Variants in MSR1 observed in about 807,000 individuals in gnomAD.
The protein encoded by MSR1 is macrophage scavenger receptor types I and II.
MSR1 carries 53 observed loss-of-function variants against 47.2 expected under a neutral mutation model. The observed-to-expected ratio is 1.12, with a 90% CI of 0.90 to 1.41. The LOEUF (loss-of-function observed/expected upper bound fraction) is 1.41. Ranked by LOEUF, MSR1 falls within the 40% of genes most tolerant of loss-of-function variation. MSR1 has a pLI of 0.00. For synonymous variants in MSR1, 239 were observed against 185.6 expected, an observed-to-expected ratio of 1.29 and a Z score of -2.34; for missense variants, 786 against 546.9, an observed-to-expected ratio of 1.44 and a Z score of -4.36.
chr8:16,169,281 A>G (rs1188380461), intron 3 of MSR1, among the ~76,000 whole-genome samples: 1 of 152,232 alleles, frequency 6.6e-6, no homozygotes, highest in Non-Finnish European at 1.5e-5. Flanking sequence ...ATATGTTAAC[A>G]ATGGCAGTGA....
intron 8 of MSR1, among the ~76,000 whole-genome samples, chr8:16,130,555 A>G (rs1800232172): frequency 6.6e-6 from 1 of 152,022 alleles, no homozygotes; most frequent in South Asian, 2.1e-4. Flanking sequence ...TGTCGTGGCA[A>G]TTTGGTGGAC....
intron 8 of MSR1, chr8:16,140,577 A>G: frequency 9.4e-7 from 1 of 1,062,672 alleles, no homozygotes; most frequent in African/African-American, 1.7e-5. Flanking sequence ...GTATGGTAGG[A>G]ATCGCTTTGC....
chr8:16,173,355 G>C (rs2117196389), intron 3 of MSR1, among the ~76,000 whole-genome samples: 1 of 152,272 alleles, frequency 6.6e-6, no homozygotes, highest in Non-Finnish European at 1.5e-5. Context: ...TTTGCATAAA[G>C]GTGATGAAAT....
intron 1 of MSR1, among the ~76,000 whole-genome samples, chr8:16,179,818 A>G (rs1201905669): frequency 7.1e-6 from 1 of 140,562 alleles, no homozygotes; most frequent in Non-Finnish European, 1.5e-5. Flanking sequence ...CAGAACTTGC[A>G]GTGAGCCGAC....
intron 3 of MSR1, among the ~76,000 whole-genome samples, chr8:16,169,984 A>G (rs1801433860): frequency 1.3e-5 from 2 of 152,300 alleles, no homozygotes; most frequent in African/African-American, 4.8e-5. Flanking sequence ...CAATCTAATT[A>G]TCATTCTGAA....
intron 4 of MSR1, among the ~76,000 whole-genome samples, chr8:16,165,884 T>C (rs1232042012): frequency 6.6e-6 from 1 of 152,156 alleles, no homozygotes; most frequent in Non-Finnish European, 1.5e-5. Flanking sequence ...TTAGAATTTC[T>C]CTATCTTGCA....
chr8:16,186,352 T>C (rs1270640136), intron 1 of MSR1: 1 of 662,740 alleles, frequency 1.5e-6, no homozygotes, highest in Non-Finnish European at 2.5e-6. Flanking sequence ...TTGCTTTAAA[T>C]ATAATCTAGA....
intron 3 of MSR1, among the ~76,000 whole-genome samples, chr8:16,172,954 T>C (rs1267783120): frequency 1.3e-5 from 2 of 152,156 alleles, no homozygotes. Context: ...GAGATATATA[T>C]TGCTTTTTAG....
chr8:16,127,405 G>C (rs1466786109), intron 8 of MSR1, among the ~76,000 whole-genome samples: 1 of 152,100 alleles, frequency 6.6e-6, no homozygotes, highest in African/African-American at 2.4e-5. Context: ...AAACATGATT[G>C]AACAAGATAG....
Position 16,143,562 on chromosome 8 carries a change from T to C in MSR1, c.1029A>G (p.Thr343=), listed in dbSNP as rs758036016. 6.2e-6 allele frequency: 10 copies of C among 1,611,528 alleles called. No individual in the cohort carries two copies. The Admixed American group carries it at 1.5e-4, about 24-fold the overall frequency. Residue 343 remains threonine (T), a synonymous_variant, in exon 8 of 10, where the codon ACA becomes ACG. Transcript: ENST00000262101. ...GQKGEKGSGN[T]LTPFTKVRLV... ...AACAAAATACTATATACTTACTTAA[T>C]GTGTTTCCACTCCCCTTTTCCCCTT...
intron 3 of MSR1, among the ~76,000 whole-genome samples, chr8:16,173,780 C>G (rs997240019): frequency 4.6e-5 from 7 of 152,198 alleles, no homozygotes; most frequent in African/African-American, 1.7e-4. Context: ...TCCCGAGTAG[C>G]TGGGACTACA....
At chr8:16,139,338 T>G in intron 8 of MSR1, 1 of 970,480 alleles carries the variant, frequency 1.0e-6, no homozygotes, top group Non-Finnish European at 1.2e-6. Flanking sequence ...AAGGACTTTA[T>G]GATTTCACAG....
At chr8:16,125,624 T>A (rs1800111092) in intron 8 of MSR1, among the ~76,000 whole-genome samples, 1 of 152,126 alleles carries the variant, frequency 6.6e-6, no homozygotes, top group African/African-American at 2.4e-5. Flanking sequence ...GACATAAGAA[T>A]AGTACATACA....
intron 8 of MSR1, among the ~76,000 whole-genome samples, chr8:16,138,805 C>A (rs185072825): frequency 7.2e-5 from 11 of 152,276 alleles, no homozygotes. Context: ...TGCTAATAGT[C>A]AGGAGTATCT....
intron 2 of MSR1, among the ~76,000 whole-genome samples, chr8:16,177,352 C>T (rs34297977): frequency 1.2e-3 from 182 of 151,890 alleles, no homozygotes; most frequent in Middle Eastern, 3.4e-3. Context: ...ACGAAGAAGG[C>T]GGGAAAGATG....
intron 1 of MSR1, among the ~76,000 whole-genome samples, chr8:16,190,198 T>C (rs778066774): frequency 5.9e-5 from 9 of 152,112 alleles, no homozygotes; most frequent in Non-Finnish European, 1.0e-4. Flanking sequence ...GCCCCGGCCA[T>C]TATTTTCATA....
intron 8 of MSR1, among the ~76,000 whole-genome samples, chr8:16,126,098 C>A (rs929596520): frequency 1.3e-5 from 2 of 152,034 alleles, no homozygotes; most frequent in African/African-American, 4.8e-5. Flanking sequence ...ACAACACATT[C>A]ACTGCAATGT....
chr8:16,189,860 C>G (rs1246738780), intron 1 of MSR1, among the ~76,000 whole-genome samples: 1 of 144,320 alleles, frequency 6.9e-6, no homozygotes, highest in Non-Finnish European at 1.5e-5. Flanking sequence ...ACTTTTTTTC[C>G]TTTTCCCAGG....
At chr8:16,191,016 C>T (rs866175531) in intron 1 of MSR1, among the ~76,000 whole-genome samples, 4 of 152,218 alleles carry the variant, frequency 2.6e-5, no homozygotes, top group African/African-American at 4.8e-5. Context: ...CCACCGTGCC[C>T]GGCCCATCAT....
Sources: allele counts gnomAD v4.1 joint callset (sites outside exome capture counted in the v4.1 genomes callset), GRCh38; gene constraint gnomAD v4.1.1; transcripts MANE v1.5; gene names NCBI Gene and HGNC (gene_info 2026-07-23, HGNC 2026-07-21).